The following PRKCA variants were observed in gnomAD, a reference collection of about 807,000 sequenced individuals.
The protein encoded by PRKCA is protein kinase C alpha.
PRKCA carries 27 observed loss-of-function variants against 87.0 expected under a neutral mutation model. The observed-to-expected ratio is 0.31, with a 90% confidence interval of 0.23 to 0.43. The LOEUF (loss-of-function observed/expected upper bound fraction) is 0.43. Among genes scored for constraint, PRKCA ranks in the 20% least tolerant of loss-of-function variants. The probability of loss-of-function intolerance (pLI) is 1.00; values close to 1 mark genes in which losing one functional copy is unlikely to be tolerated. For missense variants in PRKCA, 518 were observed against 852.3 expected (o/e 0.61, Z 4.88); for synonymous variants, 329 against 311.1 (o/e 1.06, Z -0.61).
chr17:66,763,029 G>T (rs375299746), intron 13 of PRKCA, among the ~76,000 whole-genome samples: 67 of 152,334 alleles, frequency 4.4e-4, no homozygotes, highest in African/African-American at 1.6e-3. Context: ...GACCTCAAGT[G>T]ATCCTATCGC....
At chr17:66,488,495 CG>C (rs1916083410) in intron 2 of PRKCA, among the ~76,000 whole-genome samples, 1 of 152,140 alleles carries the variant, frequency 6.6e-6, no homozygotes, top group Non-Finnish European at 1.5e-5. Context: ...TTGCTCTGGC[CG>C]GGAGCTTGGG....
At chr17:66,771,210 G>C (rs1161947868) in intron 13 of PRKCA, among the ~76,000 whole-genome samples, 1 of 152,034 alleles carries the variant, frequency 6.6e-6, no homozygotes. Flanking sequence ...TCACCATGTT[G>C]GCCAGGCTGG....
At chr17:66,532,347 C>T (rs537631262) in intron 3 of PRKCA, among the ~76,000 whole-genome samples, 8 of 106,736 alleles carry the variant, frequency 7.5e-5, no homozygotes, top group Non-Finnish European at 1.3e-4. Flanking sequence ...AGCATTTATT[C>T]ATCCTTGAAT....
intron 5 of PRKCA, among the ~76,000 whole-genome samples, chr17:66,648,357 C>T (rs541070297): frequency 3.3e-5 from 5 of 152,298 alleles, no homozygotes; most frequent in African/African-American, 7.2e-5. Context: ...TCCACAGGAC[C>T]GCTTTCTAAG....
At chr17:66,558,636 G>T (rs891110284) in intron 3 of PRKCA, among the ~76,000 whole-genome samples, 4 of 152,154 alleles carry the variant, frequency 2.6e-5, no homozygotes, top group African/African-American at 9.7e-5. Flanking sequence ...GGCTAAGAGT[G>T]AGATCATCAT....
intron 5 of PRKCA, among the ~76,000 whole-genome samples, chr17:66,673,016 GA>G (rs1399337475): frequency 6.6e-6 from 1 of 151,940 alleles, no homozygotes; most frequent in East Asian, 1.9e-4. Context: ...CCTATAATAA[GA>G]AAAAAATTTT....
chr17:66,809,176 G>A lies in PRKCA; in HGVS notation c.*5139G>A, dbSNP rs569406777. 5.9e-5 allele frequency: 9 copies of A among 152,328 alleles called. No individual in the cohort carries two copies. The highest frequency in any genetic ancestry group is 2.1e-4 in the South Asian group (1 of 4,822). The allele number at this position is 152,328 out of a possible 1,614,324, so 9.4% of individuals were successfully genotyped here. ...CAGGAAATTGGGAAGGTTACCTGAC[G>A]CACACATGGATGAAGGCCATCATCT... On this transcript the variant is annotated 3_prime_UTR_variant, in exon 17 of 17. Transcript: ENST00000413366.
intron 8 of PRKCA, among the ~76,000 whole-genome samples, chr17:66,715,596 C>G (rs1973453377): frequency 6.6e-6 from 1 of 152,158 alleles, no homozygotes; most frequent in Admixed American, 6.5e-5. Context: ...TCTTTGTTTT[C>G]TAGAAATAGA....
intron 2 of PRKCA, among the ~76,000 whole-genome samples, chr17:66,456,190 C>T (rs1166320021): frequency 6.6e-6 from 1 of 152,104 alleles, no homozygotes; most frequent in Non-Finnish European, 1.5e-5. Context: ...AAGGAACCAG[C>T]CCCATCAATG....
Position 66,810,447 on chromosome 17 carries a change from C to T in PRKCA, c.*6410C>T, listed in dbSNP as rs369333528. The T allele has an allele frequency of 2.6e-5, 4 of 152,204 alleles. No homozygotes were observed. Among genetic ancestry groups the T allele is most frequent in the Admixed American group, 2.0e-4 (3 of 15,282 alleles). 9.4% of individuals were successfully genotyped at this position (152,204 alleles called of 1,614,324 possible). A position where few individuals can be genotyped will look rare whatever the true frequency, so the allele number is the denominator to read the frequency against. On this transcript the variant is annotated 3_prime_UTR_variant, in exon 17 of 17. Coordinates refer to ENST00000413366, the MANE Select transcript of PRKCA (RefSeq NM_002737.3). The stretch of plus-strand genomic sequence containing the variant: ...CTACATGATTTGTGTGTGTGAAGGA[C>T]ATACCACGTTTAAATCATTAATTGA...
intron 14 of PRKCA, chr17:66,777,883 C>T: frequency 2.0e-6 from 2 of 985,436 alleles, no homozygotes; most frequent in Middle Eastern, 5.2e-4. Flanking sequence ...CTCCCTCCCG[C>T]AGCCTGGCTT....
chr17:66,706,785 T>C (rs1300289444), intron 8 of PRKCA, among the ~76,000 whole-genome samples: 1 of 152,226 alleles, frequency 6.6e-6, no homozygotes, highest in Non-Finnish European at 1.5e-5. Context: ...ATTCGTGTGT[T>C]GTCCACAGCT....
rs1263941622 is a variant in PRKCA at position 66,807,200 on chromosome 17, G to A, written c.*3163G>A. On this transcript the variant is annotated 3_prime_UTR_variant, in exon 17 of 17. Transcript: ENST00000413366. This position sits in a 1 kb window ranked among gnomAD's most constrained non-coding sequence, Gnocchi z 4.3. Reference sequence around the variant, plus strand: ...GAGCACTGCCTGATTGCCAGGGCCTGTGGAGGTCTAGGCCGCCTGGCAGAA... The same window carrying A: ...GAGCACTGCCTGATTGCCAGGGCCTATGGAGGTCTAGGCCGCCTGGCAGAA... 3 of 152,332 alleles carry A rather than the reference G, an allele frequency of 2.0e-5. No individual in the cohort carries two copies. Among genetic ancestry groups the A allele is most frequent in the Non-Finnish European group, 4.4e-5 (3 of 68,106 alleles). The allele number at this position is 152,332 out of a possible 1,614,324, so 9.4% of individuals were successfully genotyped here. A position where few individuals can be genotyped will look rare whatever the true frequency, so the allele number is the denominator to read the frequency against.
intron 2 of PRKCA, among the ~76,000 whole-genome samples, chr17:66,374,853 G>A (rs529570924): frequency 2.9e-4 from 44 of 149,754 alleles, no homozygotes; most frequent in South Asian, 1.5e-3. Flanking sequence ...TCAGTCTCCC[G>A]AGTAGCTGGG....
chr17:66,533,428 C>T (rs1967638916), intron 3 of PRKCA, among the ~76,000 whole-genome samples: 1 of 152,310 alleles, frequency 6.6e-6, no homozygotes, highest in Admixed American at 6.5e-5. Flanking sequence ...TGTCCTGACC[C>T]CCCTGGTTTG....
intron 2 of PRKCA, among the ~76,000 whole-genome samples, chr17:66,343,416 C>CA (rs1365678156): frequency 6.6e-6 from 1 of 152,158 alleles, no homozygotes; most frequent in African/African-American, 2.4e-5. Context: ...TCCTTTCAAA[C>CA]AGAGTTTCCC....
intron 3 of PRKCA, among the ~76,000 whole-genome samples, chr17:66,591,297 C>T (rs969310608): frequency 5.9e-5 from 9 of 151,604 alleles, no homozygotes; most frequent in African/African-American, 1.7e-4. Flanking sequence ...GGACTACAGG[C>T]GTGCACCACC....
At chr17:66,545,148 G>T (rs1015434845) in intron 3 of PRKCA, among the ~76,000 whole-genome samples, 4 of 152,130 alleles carry the variant, frequency 2.6e-5, no homozygotes, top group Non-Finnish European at 5.9e-5. Context: ...GATAATTTAG[G>T]CTGGGCGCAG....
At chr17:66,799,556 GTGGTGGTGGTGATGGTGGTGGTGGTGA>G (rs1975831078) in intron 16 of PRKCA, among the ~76,000 whole-genome samples, 1 of 1,768 alleles carries the variant, frequency 5.7e-4, no homozygotes, top group African/African-American at 3.4e-3. Context: ...GGTGGTGGTG[GTGGTGGTGGTGATGGTGGTGGTGGTGA>G]TGGTGGTGGT....
Sources: allele counts gnomAD v4.1 joint callset (sites outside exome capture counted in the v4.1 genomes callset), GRCh38; gene constraint gnomAD v4.1.1; non-coding constraint Gnocchi (gnomAD v3.1); transcripts MANE v1.5; gene names NCBI Gene and HGNC (gene_info 2026-07-23, HGNC 2026-07-21).